Variants in DNAJB6 observed in about 807,000 individuals in gnomAD.
The protein encoded by DNAJB6 is dnaJ homolog subfamily B member 6.
In DNAJB6, 16 loss-of-function variants were observed where a neutral mutation model predicts 42.7. That is an observed-to-expected ratio of 0.37 (90% CI 0.25 to 0.57). DNAJB6 has a LOEUF of 0.57. Among genes scored for constraint, DNAJB6 ranks in the 20% least tolerant of loss-of-function variants. The pLI is 0.74. For missense variants in DNAJB6, 347 were observed against 416.8 expected (o/e 0.83, Z 1.46); for synonymous variants, 170 against 163.5 (o/e 1.04, Z -0.30).
chr7:157,359,614 A>G (rs1402789859), intron 2 of DNAJB6, among the ~76,000 whole-genome samples: 3 of 151,534 alleles, frequency 2.0e-5, no homozygotes, highest in East Asian at 3.9e-4. Flanking sequence ...ACTGGAGCCC[A>G]GGGGTTTGAG....
At chr7:157,341,205 A>G (rs147150946) in intron 1 of DNAJB6, among the ~76,000 whole-genome samples, 2,607 of 151,774 alleles carry the variant, frequency 0.017, 41 homozygotes, top group Non-Finnish European at 0.025. Context: ...GCTCACTGCA[A>G]CCTCTGCCGC....
chr7:157,348,988 T>C (rs1419166549), intron 1 of DNAJB6, among the ~76,000 whole-genome samples: 1 of 152,250 alleles, frequency 6.6e-6, no homozygotes, highest in Non-Finnish European at 1.5e-5. Flanking sequence ...ATTTTTCCTT[T>C]CCTCATGGTC....
At chr7:157,379,042 C>CA (rs1800617927) in intron 5 of DNAJB6, 1 of 151,986 alleles carries the variant, frequency 6.6e-6, no homozygotes, top group Non-Finnish European at 1.5e-5. Flanking sequence ...ATTTAAGCTA[C>CA]AAAATGTCAG....
intron 8 of DNAJB6, among the ~76,000 whole-genome samples, chr7:157,409,330 C>A (rs891546625): frequency 6.6e-6 from 1 of 152,210 alleles, no homozygotes; most frequent in Non-Finnish European, 1.5e-5. Flanking sequence ...TGGGCGCCGC[C>A]GCTGCTGCCA....
intron 2 of DNAJB6, among the ~76,000 whole-genome samples, chr7:157,360,607 C>T (rs1215201553): frequency 6.6e-6 from 1 of 152,158 alleles, no homozygotes; most frequent in African/African-American, 2.4e-5. Context: ...AGGCTGTTAC[C>T]TTTAAAAGCA....
intron 9 of DNAJB6, chr7:157,412,943 T>C (rs1055395458): frequency 8.5e-5 from 13 of 152,270 alleles, no homozygotes; most frequent in African/African-American, 3.1e-4. Flanking sequence ...CTGTGAGAAT[T>C]TCCCCTCCTT....
At chr7:157,346,564 G>T (rs1446717101) in intron 1 of DNAJB6, among the ~76,000 whole-genome samples, 1 of 151,704 alleles carries the variant, frequency 6.6e-6, no homozygotes, top group Non-Finnish European at 1.5e-5. Context: ...GTTTTTGAGA[G>T]GTCTGAGGAA....
chr7:157,344,956 T>C (rs1798609058), intron 1 of DNAJB6, among the ~76,000 whole-genome samples: 1 of 152,112 alleles, frequency 6.6e-6, no homozygotes. Context: ...GTCACTTTTA[T>C]TTTATCATTT....
At chr7:157,337,187 C>CCG (rs1268102923) in intron 1 of DNAJB6, 43 bp downstream of exon 1, 2 of 152,262 alleles carry the variant, frequency 1.3e-5, no homozygotes, top group Admixed American at 6.5e-5. Context: ...GCCTAGGGCC[C>CCG]CGCGCGCGCC....
chr7:157,340,493 G>A (rs929593846), intron 1 of DNAJB6, among the ~76,000 whole-genome samples: 1 of 151,838 alleles, frequency 6.6e-6, no homozygotes, highest in Non-Finnish European at 1.5e-5. Flanking sequence ...ATGGAAAAAC[G>A]ACAACGCCTA....
chr7:157,345,579 T>G lies in DNAJB6; in HGVS notation c.-27+8435T>G, dbSNP rs537530393. On this transcript the variant is annotated intron_variant, in intron 1 of 9. Transcript: ENST00000262177. ...TGATCCTTCTGCACATTTCCAAGGTTGTTTCACTCCTGTGTCTTTGCTGTC... is the reference window on the plus strand; with the variant it reads ...TGATCCTTCTGCACATTTCCAAGGTGGTTTCACTCCTGTGTCTTTGCTGTC... 7.2e-4 allele frequency among the ~76,000 whole-genome samples: 110 copies of G among 152,262 alleles called. 1 individual carries two copies. The highest frequency in any genetic ancestry group is 3.2e-4 in the Non-Finnish European group (22 of 68,010).
intron 1 of DNAJB6, among the ~76,000 whole-genome samples, chr7:157,350,150 G>T (rs1798892203): frequency 6.6e-6 from 1 of 152,170 alleles, no homozygotes; most frequent in South Asian, 2.1e-4. Flanking sequence ...AAAGAGAGCT[G>T]TGGGTCTTGT....
intron 1 of DNAJB6, among the ~76,000 whole-genome samples, chr7:157,338,090 A>T (rs1293657356): frequency 1.3e-5 from 2 of 152,210 alleles, no homozygotes; most frequent in Non-Finnish European, 2.9e-5. Flanking sequence ...AATTTTAGTA[A>T]GGATTTGTCG....
chr7:157,402,378 C>T, intron 8 of DNAJB6, among the ~76,000 whole-genome samples: 1 of 152,242 alleles, frequency 6.6e-6, no homozygotes, highest in Non-Finnish European at 1.5e-5. Context: ...CAGCACAGTC[C>T]CACTGCTGAG....
intron 1 of DNAJB6, among the ~76,000 whole-genome samples, chr7:157,348,880 G>C (rs922411537): frequency 2.0e-5 from 3 of 152,098 alleles, no homozygotes; most frequent in Non-Finnish European, 4.4e-5. Flanking sequence ...TTTTGCCTGA[G>C]CATACGCTGT....
chr7:157,408,263 G>A (rs939322013), intron 8 of DNAJB6, among the ~76,000 whole-genome samples: 2 of 152,208 alleles, frequency 1.3e-5, no homozygotes, highest in Non-Finnish European at 2.9e-5. Flanking sequence ...CACAGCCTGC[G>A]TTTACGGTGC....
chr7:157,384,834 CTTTAAGCA>C (rs1800972746), intron 6 of DNAJB6, 25 bp from the exon 7 acceptor site: 1 of 1,600,178 alleles, frequency 6.2e-7, no homozygotes, highest in South Asian at 1.1e-5. Flanking sequence ...TGACATATTT[CTTTAAGCA>C]TTTTTCTTTT....
At chr7:157,404,972 A>G (rs1416879007) in intron 8 of DNAJB6, among the ~76,000 whole-genome samples, 2 of 152,224 alleles carry the variant, frequency 1.3e-5, no homozygotes, top group Non-Finnish European at 2.9e-5. Flanking sequence ...GTGTAACAGT[A>G]ACTTGTGTGA....
intron 8 of DNAJB6, among the ~76,000 whole-genome samples, chr7:157,396,081 A>G (rs772255044): frequency 6.6e-6 from 1 of 151,712 alleles, no homozygotes; most frequent in Non-Finnish European, 1.5e-5. Flanking sequence ...CTGAATAGCT[A>G]GGACTACTGG....
Sources: allele counts gnomAD v4.1 joint callset (sites outside exome capture counted in the v4.1 genomes callset), GRCh38; gene constraint gnomAD v4.1.1; transcripts MANE v1.5; gene names NCBI Gene and HGNC (gene_info 2026-07-23, HGNC 2026-07-21).